The following ACKR3 variants were observed in gnomAD, a reference collection of about 807,000 sequenced individuals.
ACKR3 encodes C-X-C chemokine receptor type 7.
In ACKR3, 6 loss-of-function variants were observed where a neutral mutation model predicts 22.4. The observed-to-expected ratio is 0.27, with a 90% CI of 0.15 to 0.53. The LOEUF is 0.53. Among genes scored for constraint, ACKR3 ranks in the 20% least tolerant of loss-of-function variants. ACKR3 has a pLI of 0.96. For synonymous variants in ACKR3, 209 were observed against 205.2 expected (o/e 1.02, Z -0.16); for missense variants, 396 against 475.2 (o/e 0.83, Z 1.55).
At chr2:236,549,898 A>G in the ACKR3 span, among the ~76,000 whole-genome samples, 1 of 152,222 alleles carries the variant, frequency 6.6e-6, no homozygotes, top group Non-Finnish European at 1.5e-5. This position sits in a 1 kb window ranked among gnomAD's most constrained non-coding sequence, Gnocchi z 5.3. Context: ...ATGGGTAAAC[A>G]GTGTTTACAA....
the ACKR3 span, among the ~76,000 whole-genome samples, chr2:236,561,820 G>A: frequency 9.2e-5 from 14 of 152,314 alleles, no homozygotes; most frequent in Admixed American, 9.1e-4. Flanking sequence ...TACTGAGTTT[G>A]TATTGTTCGG....
chr2:236,539,306 CTTTTT>C, the ACKR3 span, among the ~76,000 whole-genome samples: 590 of 120,738 alleles, frequency 4.9e-3, 4 homozygotes, highest in African/African-American at 0.018. Flanking sequence ...TTTTTCTTTT[CTTTTT>C]TTTTTTTTTT....
In ACKR3 at chr2:236,581,690, TG is replaced by T; in HGVS notation, c.*137del. On this transcript the variant is annotated 3_prime_UTR_variant, in exon 2 of 2. Coordinates refer to ENST00000272928, the MANE Select transcript of ACKR3 (RefSeq NM_020311.3). The surrounding 1 kb of genome is among the most constrained non-coding windows in gnomAD (Gnocchi z 4.4). Reference sequence around the variant, plus strand: ...AGTGAAGAGGGGAGCACGTGCCCCCTGCATCCATTCTCTCTTTCTCTTGATG... The same window carrying T: ...AGTGAAGAGGGGAGCACGTGCCCCCTCATCCATTCTCTCTTTCTCTTGATG... The T allele has an allele frequency of 2.7e-6, 3 of 1,095,848 alleles. No homozygotes were observed. The highest frequency in any genetic ancestry group is 2.6e-6 in the Non-Finnish European group (2 of 775,074). 67.9% of individuals were successfully genotyped at this position (1,095,848 alleles called of 1,614,324 possible).
At chr2:236,539,957 G>C in the ACKR3 span, among the ~76,000 whole-genome samples, 4 of 152,274 alleles carry the variant, frequency 2.6e-5, no homozygotes, top group Non-Finnish European at 4.4e-5. Context: ...GAACAGAATG[G>C]GGAAAACTGC....
At chr2:236,569,494 T>G (rs1417684136), upstream of ACKR3, 1 of 152,250 alleles carries the variant, frequency 6.6e-6, no homozygotes, top group Non-Finnish European at 1.5e-5. Context: ...AAGATATACC[T>G]GAGACCAGAT....
chr2:236,570,954 C>T (rs1356246121), intron 1 of ACKR3, among the ~76,000 whole-genome samples: 2 of 152,188 alleles, frequency 1.3e-5, no homozygotes, highest in African/African-American at 4.8e-5. Context: ...GTATTTGGTG[C>T]AGTGACATCC....
chr2:236,557,602 G>A, the ACKR3 span, among the ~76,000 whole-genome samples: 18,951 of 152,196 alleles, frequency 0.12, 1,948 homozygotes, highest in African/African-American at 0.29. Context: ...TATAACTCAC[G>A]AAATAGAACA....
upstream of ACKR3, among the ~76,000 whole-genome samples, chr2:236,566,470 T>C (rs1448262076): frequency 6.6e-6 from 1 of 152,202 alleles, no homozygotes; most frequent in Admixed American, 6.5e-5. Flanking sequence ...ATATGCATTC[T>C]GGCATGGTAA....
chr2:236,547,963 C>A, the ACKR3 span, among the ~76,000 whole-genome samples: 1 of 151,990 alleles, frequency 6.6e-6, no homozygotes, highest in East Asian at 1.9e-4. Flanking sequence ...AGAGGAGCCA[C>A]TTTCCCTGAT....
At chr2:236,575,319 A>G (rs1156273242) in intron 1 of ACKR3, among the ~76,000 whole-genome samples, 1 of 152,154 alleles carries the variant, frequency 6.6e-6, no homozygotes, top group Non-Finnish European at 1.5e-5. Context: ...CTTCGTGCAC[A>G]TGTATTTACA....
chr2:236,564,710 C>T (rs2106493747), upstream of ACKR3, among the ~76,000 whole-genome samples: 1 of 151,780 alleles, frequency 6.6e-6, no homozygotes, highest in Non-Finnish European at 1.5e-5. Flanking sequence ...TTAACACCCT[C>T]TGCTATAGGT....
the ACKR3 span, among the ~76,000 whole-genome samples, chr2:236,549,694 C>T: frequency 1.3e-5 from 2 of 152,168 alleles, no homozygotes; most frequent in Non-Finnish European, 2.9e-5. This position sits in a 1 kb window ranked among gnomAD's most constrained non-coding sequence, Gnocchi z 5.3. Flanking sequence ...GTGTGTGGTC[C>T]GTGTCCCACC....
chr2:236,555,691 C>T, the ACKR3 span, among the ~76,000 whole-genome samples: 4 of 152,282 alleles, frequency 2.6e-5, no homozygotes, highest in African/African-American at 4.8e-5. Flanking sequence ...GCCAGCTCCG[C>T]CCTCATTCTG....
Position 236,580,841 on chromosome 2 carries a change from A to C in ACKR3, c.376A>C (p.Ile126Leu). Residue 126 changes from isoleucine (I) to leucine (L), a missense_variant, in exon 2 of 2, where the codon ATC becomes CTC. By Grantham distance (5) the Ile-to-Leu change is conservative. Transcript: ENST00000272928. ...TCKVTHLIFSINLFGSIFFLT... is the reference protein window; with the variant it reads ...TCKVTHLIFSLNLFGSIFFLT... ...CAAAGTCACACACCTCATCTTCTCC[A>C]TCAACCTCTTCGGCAGCATTTTCTT... The C allele has an allele frequency of 1.2e-6, 2 of 1,614,130 alleles. No individual in the cohort carries two copies. Among genetic ancestry groups the C allele is most frequent in the Non-Finnish European group, 1.7e-6 (2 of 1,180,012 alleles).
At chr2:236,564,193 T>C (rs1168462611), upstream of ACKR3, among the ~76,000 whole-genome samples, 1 of 152,166 alleles carries the variant, frequency 6.6e-6, no homozygotes, top group Admixed American at 6.5e-5. Context: ...CAATCCTTCA[T>C]TGGCATGAGG....
chr2:236,561,489 G>C, the ACKR3 span, among the ~76,000 whole-genome samples: 1 of 151,522 alleles, frequency 6.6e-6, no homozygotes, highest in Non-Finnish European at 1.5e-5. Flanking sequence ...GTGTTTCAAG[G>C]TGATATATAC....
rs1691544167 is a variant in ACKR3, at chr2:236,581,730, T to A, written c.*176T>A. ...TTTCTCTTGATGACGCAGCTGTCAT[T>A]TGGCTGTGCGTGCTGACAGTTTTGC... On this transcript the variant is annotated 3_prime_UTR_variant, in exon 2 of 2. Coordinates refer to ENST00000272928, the MANE Select transcript of ACKR3 (RefSeq NM_020311.3). This position sits in a 1 kb window ranked among gnomAD's most constrained non-coding sequence, Gnocchi z 4.4. 2 of 847,752 alleles carry A rather than the reference T, an allele frequency of 2.4e-6. No individual in the cohort carries two copies. The highest frequency in any genetic ancestry group is 1.8e-6 in the Non-Finnish European group (1 of 560,754). The allele number at this position is 847,752 out of a possible 1,614,324, so 52.5% of individuals were successfully genotyped here.
At chr2:236,566,708 T>A (rs1691186125), upstream of ACKR3, among the ~76,000 whole-genome samples, 2 of 131,496 alleles carry the variant, frequency 1.5e-5, no homozygotes, top group South Asian at 4.5e-4. Context: ...CCTCTTTCCT[T>A]CCTTTCCTTC....
upstream of ACKR3, among the ~76,000 whole-genome samples, chr2:236,567,408 C>T (rs1262823221): frequency 1.3e-5 from 2 of 152,214 alleles, no homozygotes; most frequent in Non-Finnish European, 2.9e-5. Context: ...GCCGGGACCC[C>T]TAGAGGATGG....
Sources: gnomAD v4.1 joint callset for allele counts (sites outside exome capture counted in the v4.1 genomes callset) on GRCh38, gnomAD v4.1.1 for gene constraint, Gnocchi (gnomAD v3.1) non-coding constraint, MANE v1.5 for transcripts, NCBI Gene and HGNC (gene_info 2026-07-23, HGNC 2026-07-21) for gene names.